EXOC6B: variants seen among roughly 807,000 people sequenced by gnomAD.
EXOC6B encodes exocyst complex component 6B.
A neutral mutation model predicts 113.5 loss-of-function variants in EXOC6B; 54 were observed. The observed-to-expected ratio is 0.48, with a 90% CI of 0.38 to 0.60. The LOEUF (loss-of-function observed/expected upper bound fraction) is 0.60. EXOC6B is among the 20% of genes least tolerant of loss of function. EXOC6B has a pLI of 0.00. For missense variants in EXOC6B, 797 were observed against 977.5 expected (o/e 0.82, Z 2.46); for synonymous variants, 357 against 339.0 (o/e 1.05, Z -0.58).
intron 8 of EXOC6B, among the ~76,000 whole-genome samples, chr2:72,532,065 T>C (rs866554797): frequency 2.6e-5 from 4 of 152,182 alleles, no homozygotes; most frequent in Non-Finnish European, 2.9e-5. Context: ...AACAGCCCAA[T>C]GTTCTTCAAT....
At chr2:72,486,057 C>G (rs1384723149) in intron 16 of EXOC6B, among the ~76,000 whole-genome samples, 1 of 152,154 alleles carries the variant, frequency 6.6e-6, no homozygotes, top group African/African-American at 2.4e-5. Flanking sequence ...CAGCTTCCAG[C>G]TAAATATGAT....
intron 19 of EXOC6B, among the ~76,000 whole-genome samples, chr2:72,342,529 A>G (rs1275669285): frequency 5.9e-5 from 9 of 152,178 alleles, no homozygotes; most frequent in Non-Finnish European, 2.9e-5. Flanking sequence ...TCAAAAATAC[A>G]AGATATAATG....
chr2:72,639,601 C>A (rs1331803345), intron 6 of EXOC6B, among the ~76,000 whole-genome samples: 1 of 152,316 alleles, frequency 6.6e-6, no homozygotes, highest in Middle Eastern at 3.4e-3. Flanking sequence ...ATGGTTGACA[C>A]CACTTATCAC....
At chr2:72,409,970 G>A (rs1694057986) in intron 18 of EXOC6B, among the ~76,000 whole-genome samples, 2 of 152,148 alleles carry the variant, frequency 1.3e-5, no homozygotes, top group African/African-American at 4.8e-5. Context: ...AACATGGGAT[G>A]CCGTCGTTCC....
intron 20 of EXOC6B, among the ~76,000 whole-genome samples, chr2:72,203,821 T>A (rs1679653486): frequency 6.6e-6 from 1 of 152,178 alleles, no homozygotes; most frequent in Non-Finnish European, 1.5e-5. Context: ...GATATTGAGA[T>A]TATGGCAAAT....
chr2:72,195,999 A>C (rs1011415993), intron 20 of EXOC6B, among the ~76,000 whole-genome samples: 4 of 152,188 alleles, frequency 2.6e-5, no homozygotes, highest in Non-Finnish European at 5.9e-5. Context: ...AGAAAGTTAT[A>C]TGTGGGAATA....
chr2:72,299,022 T>C (rs536798625), intron 20 of EXOC6B, among the ~76,000 whole-genome samples: 2 of 152,280 alleles, frequency 1.3e-5, no homozygotes, highest in Admixed American at 6.5e-5. Context: ...TGAATTTGAA[T>C]GTTGGCCTGC....
intron 20 of EXOC6B, among the ~76,000 whole-genome samples, chr2:72,301,254 T>G (rs776374446): frequency 2.6e-4 from 40 of 152,220 alleles, no homozygotes; most frequent in Admixed American, 7.9e-4. Flanking sequence ...TGCAAGTATT[T>G]TGCTGAGGAT....
chr2:72,339,084 C>T (rs1280754796), intron 19 of EXOC6B, among the ~76,000 whole-genome samples: 1 of 151,920 alleles, frequency 6.6e-6, no homozygotes, highest in Non-Finnish European at 1.5e-5. Flanking sequence ...GGTCTGTAAA[C>T]CCAAATTCTC....
At chr2:72,791,449 A>C (rs1395725439) in intron 1 of EXOC6B, among the ~76,000 whole-genome samples, 1 of 152,206 alleles carries the variant, frequency 6.6e-6, no homozygotes. Flanking sequence ...AAGAGGTTGA[A>C]CTGGGAGGAT....
intron 1 of EXOC6B, among the ~76,000 whole-genome samples, chr2:72,821,598 T>C (rs1487274232): frequency 6.6e-6 from 1 of 152,090 alleles, no homozygotes; most frequent in Non-Finnish European, 1.5e-5. Context: ...ACAAATAAAA[T>C]GTGGTATATC....
intron 18 of EXOC6B, among the ~76,000 whole-genome samples, chr2:72,450,244 A>T: frequency 6.6e-6 from 1 of 152,358 alleles, no homozygotes; most frequent in Admixed American, 6.5e-5. Flanking sequence ...ATAGAAAAAA[A>T]AATAGTAAAA....
chr2:72,576,820 T>G (rs1558811733), intron 6 of EXOC6B, among the ~76,000 whole-genome samples: 1 of 152,144 alleles, frequency 6.6e-6, no homozygotes, highest in African/African-American at 2.4e-5. Flanking sequence ...TTTCTTTTAA[T>G]GTAATATTTG....
chr2:72,744,497 T>C (rs1311298463), intron 1 of EXOC6B, among the ~76,000 whole-genome samples: 1 of 152,188 alleles, frequency 6.6e-6, no homozygotes, highest in Non-Finnish European at 1.5e-5. Flanking sequence ...CAAATAAGCT[T>C]AACTTTTCCC....
At chr2:72,292,767 T>C (rs1685885037) in intron 20 of EXOC6B, among the ~76,000 whole-genome samples, 1 of 152,216 alleles carries the variant, frequency 6.6e-6, no homozygotes, top group African/African-American at 2.4e-5. Context: ...CAGAATGTTA[T>C]ATAAATGGAA....
chr2:72,534,054 G>A (rs1702151367), intron 8 of EXOC6B, among the ~76,000 whole-genome samples: 1 of 152,136 alleles, frequency 6.6e-6, no homozygotes, highest in African/African-American at 2.4e-5. Context: ...ACCTGTGTAT[G>A]TCAGATTGGC....
intron 18 of EXOC6B, among the ~76,000 whole-genome samples, chr2:72,396,230 A>G (rs1692718159): frequency 6.6e-6 from 1 of 152,110 alleles, no homozygotes; most frequent in African/African-American, 2.4e-5. Context: ...ACTGCTTCTG[A>G]ATGGCCCAAA....
chr2:72,816,960 T>A (rs991934663), intron 1 of EXOC6B, among the ~76,000 whole-genome samples: 4 of 152,236 alleles, frequency 2.6e-5, no homozygotes, highest in African/African-American at 9.6e-5. Flanking sequence ...TAGCCACAGA[T>A]TCTTCATAAT....
chr2:72,698,853 T>A (rs1678083589), intron 6 of EXOC6B, among the ~76,000 whole-genome samples: 1 of 152,220 alleles, frequency 6.6e-6, no homozygotes, highest in Admixed American at 6.5e-5. Flanking sequence ...TAAACTGAGA[T>A]GCTTACAATT....
Sources: allele counts gnomAD v4.1 joint callset (sites outside exome capture counted in the v4.1 genomes callset), GRCh38; gene constraint gnomAD v4.1.1; transcripts MANE v1.5; gene names NCBI Gene and HGNC (gene_info 2026-07-23, HGNC 2026-07-21).